Variants in TMCC1 observed in about 807,000 individuals in gnomAD.
TMCC1 encodes transmembrane and coiled-coil domains protein 1.
TMCC1 carries 15 observed loss-of-function variants against 52.4 expected under a neutral mutation model. The ratio of observed to expected loss-of-function variants is 0.29; its 90% CI spans 0.19 to 0.44. The LOEUF is 0.44. Ranked by LOEUF, TMCC1 falls within the 20% of genes least tolerant of loss-of-function variation. The pLI is 1.00. For synonymous variants in TMCC1, 279 were observed against 301.9 expected, an observed-to-expected ratio of 0.92 and a Z score of 0.79; for missense variants, 503 against 806.0, an observed-to-expected ratio of 0.62 and a Z score of 4.55.
At chr3:129,798,322 T>C (rs1576891639) in intron 4 of TMCC1, among the ~76,000 whole-genome samples, 1 of 151,784 alleles carries the variant, frequency 6.6e-6, no homozygotes, top group Non-Finnish European at 1.5e-5. Context: ...GTGGTAAGAG[T>C]ACCAGTACCT....
intron 4 of TMCC1, among the ~76,000 whole-genome samples, chr3:129,774,140 T>C (rs1489665798): frequency 6.6e-6 from 1 of 152,080 alleles, no homozygotes; most frequent in South Asian, 2.1e-4. Flanking sequence ...CAATTCTAGG[T>C]CTGGAGGAGG....
intron 4 of TMCC1, among the ~76,000 whole-genome samples, chr3:129,814,927 G>C (rs188726502): frequency 6.6e-6 from 1 of 152,208 alleles, no homozygotes; most frequent in African/African-American, 2.4e-5. Context: ...GATCTAAAGG[G>C]AGAGATAGAC....
intron 1 of TMCC1, among the ~76,000 whole-genome samples, chr3:129,884,045 T>C (rs2061582445): frequency 6.6e-6 from 1 of 152,090 alleles, no homozygotes; most frequent in Non-Finnish European, 1.5e-5. Flanking sequence ...AGTAATTACA[T>C]ATCCTGTGAA....
chr3:129,648,206 C>T lies in TMCC1; in HGVS notation c.*3275G>A, dbSNP rs2086133277. ...TTGCATATTTTCCAAAGCTGAAAGG[C>T]AGCTCCTCATTGGAACTCTCTCAGA... On this transcript the variant is annotated 3_prime_UTR_variant, in exon 7 of 7. Coordinates refer to ENST00000393238, the MANE Select transcript of TMCC1 (RefSeq NM_001017395.5). 6.6e-6 allele frequency: 1 copy of T among 152,238 alleles called. No homozygotes were observed. The highest frequency in any genetic ancestry group is 1.5e-5 in the Non-Finnish European group (1 of 68,046). 9.4% of individuals were successfully genotyped at this position (152,238 alleles called of 1,614,324 possible).
chr3:129,719,444 T>G (rs2049385834), intron 4 of TMCC1, among the ~76,000 whole-genome samples: 2 of 152,158 alleles, frequency 1.3e-5, no homozygotes, highest in South Asian at 4.1e-4. Context: ...CTCTAGCAAA[T>G]TAACTGAATC....
rs937777890 is a variant in TMCC1, at chr3:129,650,716, C to T, written c.*765G>A. On this transcript the variant is annotated 3_prime_UTR_variant, in exon 7 of 7. Coordinates refer to ENST00000393238, the MANE Select transcript of TMCC1 (RefSeq NM_001017395.5). Reference sequence around the variant, plus strand: ...TATTACATTCTTCAAGTATGCTGTTCGGATTTTTTATTTTTAGGTTGGTAA... The same window carrying T: ...TATTACATTCTTCAAGTATGCTGTTTGGATTTTTTATTTTTAGGTTGGTAA... The T allele has an allele frequency of 3.3e-5, 5 of 152,410 alleles. No homozygotes were observed. The highest frequency in any genetic ancestry group is 5.9e-5 in the Non-Finnish European group (4 of 68,018). The allele number at this position is 152,410 out of a possible 1,614,324, so 9.4% of individuals were successfully genotyped here.
chr3:129,861,942 T>C (rs755411168), intron 2 of TMCC1, among the ~76,000 whole-genome samples: 18 of 152,080 alleles, frequency 1.2e-4, no homozygotes, highest in Non-Finnish European at 1.5e-5. Context: ...GGCCAAAAAA[T>C]GGAACCAATG....
intron 4 of TMCC1, among the ~76,000 whole-genome samples, chr3:129,711,248 CTA>C (rs770507725): frequency 6.6e-6 from 1 of 152,178 alleles, no homozygotes; most frequent in Non-Finnish European, 1.5e-5. Context: ...AGCATTCAGT[CTA>C]TGTCCAAAGT....
rs188577742 is a variant in TMCC1, at chr3:129,843,793, C to G, written c.-183-10967G>C. On this transcript the variant is annotated intron_variant, in intron 2 of 6. Transcript: ENST00000393238. ...GGTTTTAATGGTTAATTCGACCAAC[C>G]ATTTAAATAAGAAATAATAACAATT... 1.2e-3 allele frequency among the ~76,000 whole-genome samples: 183 copies of G among 150,312 alleles called. 1 individual carries two copies. Among genetic ancestry groups the G allele is most frequent in the African/African-American group, 4.4e-3 (180 of 41,060 alleles).
intron 2 of TMCC1, among the ~76,000 whole-genome samples, chr3:129,879,137 T>G (rs2061351672): frequency 1.3e-5 from 2 of 152,208 alleles, no homozygotes; most frequent in African/African-American, 2.4e-5. Context: ...AAATGACATT[T>G]ATGCATTATT....
At chr3:129,885,124 G>A (rs1359189094) in intron 1 of TMCC1, among the ~76,000 whole-genome samples, 2 of 152,016 alleles carry the variant, frequency 1.3e-5, no homozygotes, top group East Asian at 3.9e-4. Context: ...GGGTGACAAA[G>A]TGAGACCCTG....
chr3:129,722,407 C>G (rs758284319), intron 4 of TMCC1, among the ~76,000 whole-genome samples: 1 of 152,114 alleles, frequency 6.6e-6, no homozygotes, highest in African/African-American at 2.4e-5. Context: ...CCCACAGACA[C>G]CCCGACCCCA....
chr3:129,813,270 T>TA (rs1211382480), intron 4 of TMCC1, among the ~76,000 whole-genome samples: 1 of 152,176 alleles, frequency 6.6e-6, no homozygotes, highest in Non-Finnish European at 1.5e-5. Context: ...TCAAATAACT[T>TA]AAAACAGAAT....
At chr3:129,873,487 A>G (rs2061033948) in intron 2 of TMCC1, among the ~76,000 whole-genome samples, 1 of 151,830 alleles carries the variant, frequency 6.6e-6, no homozygotes, top group African/African-American at 2.4e-5. Flanking sequence ...TCTGAGATCA[A>G]CCTGGGCAAC....
In TMCC1 at chr3:129,828,603, C is replaced by T. The variant is rs976515750; in HGVS notation, c.-130-95G>A. 4 of 475,756 alleles carry T rather than the reference C, an allele frequency of 8.4e-6. No individual in the cohort carries two copies. The highest frequency in any genetic ancestry group is 7.6e-5 in the South Asian group (2 of 26,434). 29.5% of individuals were successfully genotyped at this position (475,756 alleles called of 1,614,324 possible). On this transcript the variant is annotated intron_variant, in intron 3 of 6. Coordinates refer to ENST00000393238, the MANE Select transcript of TMCC1 (RefSeq NM_001017395.5). The surrounding 1 kb of genome is among the most constrained non-coding windows in gnomAD (Gnocchi z 4.1). ...CAGTGTTAAAACAAAGAAAAACATGCTACTGGCCAAACAAATAGGCACTAT... is the reference window on the plus strand; with the variant it reads ...CAGTGTTAAAACAAAGAAAAACATGTTACTGGCCAAACAAATAGGCACTAT...
intron 2 of TMCC1, among the ~76,000 whole-genome samples, chr3:129,840,838 C>T (rs1028640575): frequency 6.6e-6 from 1 of 152,142 alleles, no homozygotes; most frequent in African/African-American, 2.4e-5. Context: ...ATAAACTACC[C>T]AGTCTCAGGT....
At chr3:129,668,900 C>T (rs926714322) in intron 5 of TMCC1, among the ~76,000 whole-genome samples, 5 of 152,258 alleles carry the variant, frequency 3.3e-5, no homozygotes, top group Non-Finnish European at 7.3e-5. Flanking sequence ...GCTGGGATTA[C>T]AGGCGTGAGC....
chr3:129,889,553 A>C (rs1465079475), intron 1 of TMCC1, among the ~76,000 whole-genome samples: 1 of 152,208 alleles, frequency 6.6e-6, no homozygotes, highest in East Asian at 1.9e-4. Flanking sequence ...AATATGGGAA[A>C]CAGTGTAGGA....
At chr3:129,752,667 C>T (rs992131526) in intron 4 of TMCC1, among the ~76,000 whole-genome samples, 1 of 151,954 alleles carries the variant, frequency 6.6e-6, no homozygotes, top group Non-Finnish European at 1.5e-5. Flanking sequence ...CTGTCACACA[C>T]ACACACACAC....
Sources: gnomAD v4.1 joint callset for allele counts (sites outside exome capture counted in the v4.1 genomes callset) on GRCh38, gnomAD v4.1.1 for gene constraint, Gnocchi (gnomAD v3.1) non-coding constraint, MANE v1.5 for transcripts, NCBI Gene and HGNC (gene_info 2026-07-23, HGNC 2026-07-21) for gene names.